Variants in SPOCK1 observed in about 807,000 individuals in gnomAD.
The protein encoded by SPOCK1 is SPARC (osteonectin), cwcv and kazal like domains proteoglycan 1.
In SPOCK1, 23 loss-of-function variants were observed where a neutral mutation model predicts 55.3. The ratio of observed to expected loss-of-function variants is 0.42; its 90% CI spans 0.30 to 0.59. The LOEUF (loss-of-function observed/expected upper bound fraction) is 0.59, where lower values mean the gene tolerates loss of function less well. SPOCK1 is among the 20% of genes least tolerant of loss of function. SPOCK1 has a pLI of 0.22. For missense variants in SPOCK1, 499 were observed against 552.5 expected, an observed-to-expected ratio of 0.90 and a Z score of 0.97; for synonymous variants, 226 against 221.0, an observed-to-expected ratio of 1.02 and a Z score of -0.20.
chr5:137,219,026 C>T (rs1022687151), intron 3 of SPOCK1, among the ~76,000 whole-genome samples: 1 of 152,132 alleles, frequency 6.6e-6, no homozygotes, highest in African/African-American at 2.4e-5. Context: ...CTTAAGGAGG[C>T]ATATGAGAAG....
chr5:137,092,070 C>T (rs1753063481), intron 5 of SPOCK1, among the ~76,000 whole-genome samples: 1 of 152,158 alleles, frequency 6.6e-6, no homozygotes, highest in Admixed American at 6.5e-5. Context: ...TACTCCCTGC[C>T]ACTCCATCCA....
intron 2 of SPOCK1, among the ~76,000 whole-genome samples, chr5:137,475,671 C>G (rs1753824577): frequency 1.3e-5 from 2 of 152,150 alleles, no homozygotes; most frequent in Admixed American, 1.3e-4. Context: ...CAGCCTTGAA[C>G]TCCTGGGCTC....
chr5:137,237,665 C>T (rs1756205107), intron 3 of SPOCK1, among the ~76,000 whole-genome samples: 2 of 152,214 alleles, frequency 1.3e-5, no homozygotes, highest in Non-Finnish European at 1.5e-5. Context: ...AAAGAGTCAA[C>T]GTGTTAATAA....
At chr5:137,442,824 T>C (rs1018074981) in intron 2 of SPOCK1, among the ~76,000 whole-genome samples, 3 of 152,236 alleles carry the variant, frequency 2.0e-5, no homozygotes, top group African/African-American at 7.2e-5. Context: ...CTGGCCACAA[T>C]TCACGGTGCA....
intron 5 of SPOCK1, among the ~76,000 whole-genome samples, chr5:137,090,414 T>C (rs1170151279): frequency 6.6e-6 from 1 of 152,204 alleles, no homozygotes; most frequent in Non-Finnish European, 1.5e-5. Context: ...TTCCTCCCTC[T>C]GCAGATCACA....
intron 5 of SPOCK1, among the ~76,000 whole-genome samples, chr5:137,109,491 C>T (rs1424330541): frequency 6.6e-6 from 1 of 152,154 alleles, no homozygotes; most frequent in Admixed American, 6.5e-5. Context: ...ATCTACTACA[C>T]CCCATGCCTG....
At chr5:137,228,310 G>T (rs1013525281) in intron 3 of SPOCK1, among the ~76,000 whole-genome samples, 1 of 152,162 alleles carries the variant, frequency 6.6e-6, no homozygotes, top group African/African-American at 2.4e-5. Context: ...ATCACAAAAC[G>T]ACTTCTTTCC....
At chr5:137,385,010 G>T (rs1249269599) in intron 2 of SPOCK1, among the ~76,000 whole-genome samples, 8 of 152,088 alleles carry the variant, frequency 5.3e-5, no homozygotes, top group African/African-American at 1.9e-4. Flanking sequence ...TAATCACATG[G>T]AGTTATTTAG....
In SPOCK1 at chr5:137,160,569, T is replaced by TAA. The variant is rs1484958227; in HGVS notation, c.233-19876_233-19875insTT. On this transcript the variant is annotated intron_variant, in intron 3 of 10. Transcript: ENST00000394945. Reference sequence around the variant, plus strand: ...TATATAATATATATTATATATTATATATTATATAATATATATAATATATAA... The same window carrying TAA: ...TATATAATATATATTATATATTATATAAATTATATAATATATATAATATATAA... Among the ~76,000 whole-genome samples the TAA allele has an allele frequency of 3.1e-3, 221 of 70,604 alleles. 8 individuals are homozygous for TAA. The highest frequency in any genetic ancestry group is 0.012 in the African/African-American group (206 of 17,094). 46.3% of individuals were successfully genotyped at this position (70,604 alleles called of 152,430 possible).
intron 2 of SPOCK1, among the ~76,000 whole-genome samples, chr5:137,379,131 A>G (rs1243855436): frequency 6.6e-6 from 1 of 152,118 alleles, no homozygotes; most frequent in Non-Finnish European, 1.5e-5. Context: ...AGGCATGTCT[A>G]CAGGGATGGG....
At chr5:137,110,541 A>G (rs1052750412) in intron 5 of SPOCK1, among the ~76,000 whole-genome samples, 1 of 152,208 alleles carries the variant, frequency 6.6e-6, no homozygotes, top group Admixed American at 6.5e-5. Flanking sequence ...CACTCCAGAC[A>G]TGGCTAGGGT....
intron 2 of SPOCK1, among the ~76,000 whole-genome samples, chr5:137,276,803 T>C (rs755055597): frequency 2.6e-5 from 4 of 152,064 alleles, no homozygotes; most frequent in Admixed American, 6.6e-5. Flanking sequence ...CCAGGCTCCA[T>C]AGGAGGAGGA....
rs376024348 is a variant in SPOCK1, at chr5:137,192,063, C to T, written c.233-51369G>A. On this transcript the variant is annotated intron_variant, in intron 3 of 10. Coordinates refer to ENST00000394945, the MANE Select transcript of SPOCK1 (RefSeq NM_004598.4). ...CAGCCTAGTCAACACAGTGAAACCT[C>T]GTATCTACTAAAATACAAAAAAAAA... Among the ~76,000 whole-genome samples the T allele has an allele frequency of 3.6e-4, 54 of 151,668 alleles. No homozygotes were observed. The East Asian group carries it at 7.0e-3, about 20-fold the overall frequency.
At chr5:137,316,792 T>A (rs1354937354) in intron 2 of SPOCK1, among the ~76,000 whole-genome samples, 1 of 152,220 alleles carries the variant, frequency 6.6e-6, no homozygotes, top group Non-Finnish European at 1.5e-5. Flanking sequence ...TGCAGATCAA[T>A]TAGCCTAACT....
intron 5 of SPOCK1, among the ~76,000 whole-genome samples, chr5:137,106,954 C>A (rs180846863): frequency 9.4e-4 from 143 of 152,210 alleles, no homozygotes; most frequent in African/African-American, 3.3e-3. Flanking sequence ...CCTCTTCGAC[C>A]CCCTCCTCCC....
intron 2 of SPOCK1, among the ~76,000 whole-genome samples, chr5:137,304,678 A>G (rs1252568341): frequency 6.6e-6 from 1 of 152,126 alleles, no homozygotes; most frequent in Non-Finnish European, 1.5e-5. Context: ...TCAATTGAGG[A>G]GCAAGACCCC....
intron 3 of SPOCK1, among the ~76,000 whole-genome samples, chr5:137,154,372 C>T (rs1329330983): frequency 2.0e-5 from 3 of 152,130 alleles, no homozygotes; most frequent in Non-Finnish European, 4.4e-5. Flanking sequence ...AAGGAGGTGA[C>T]ATTTAAGCCA....
At chr5:137,486,468 A>G (rs1754057721) in intron 2 of SPOCK1, among the ~76,000 whole-genome samples, 1 of 152,222 alleles carries the variant, frequency 6.6e-6, no homozygotes, top group Admixed American at 6.5e-5. Context: ...TGTCGCAAAT[A>G]GAAAGCCTGC....
At chr5:137,149,231 T>G (rs112397404) in intron 3 of SPOCK1, among the ~76,000 whole-genome samples, 2 of 152,184 alleles carry the variant, frequency 1.3e-5, no homozygotes, top group African/African-American at 4.8e-5. Context: ...AATGGGGAGA[T>G]GCATGAAGCC....
Sources: allele counts gnomAD v4.1 joint callset (sites outside exome capture counted in the v4.1 genomes callset), GRCh38; gene constraint gnomAD v4.1.1; transcripts MANE v1.5; gene names NCBI Gene and HGNC (gene_info 2026-07-23, HGNC 2026-07-21).